Variants in CHRDL1 observed in about 807,000 individuals in gnomAD.
The protein encoded by CHRDL1 is chordin-like protein 1.
In CHRDL1, 19 loss-of-function variants were observed where a neutral mutation model predicts 40.9. That is an observed-to-expected ratio of 0.46 (90% CI 0.32 to 0.68). CHRDL1 has a LOEUF of 0.68. Ranked by LOEUF, CHRDL1 falls within the 30% of genes least tolerant of loss-of-function variation. CHRDL1 has a pLI of 0.03. For synonymous variants in CHRDL1, 136 were observed against 123.4 expected (o/e 1.10, Z -0.68); for missense variants, 329 against 352.1 (o/e 0.93, Z 0.53).
chrX:110,757,391 C>G (rs942427222), intron 4 of CHRDL1, among the ~76,000 whole-genome samples: 13 of 109,011 alleles, frequency 1.2e-4, no homozygotes, highest in African/African-American at 4.3e-4. Flanking sequence ...AAAAAAAAAA[C>G]GAAGAACCCG....
chrX:110,716,258 AG>A (rs765815101), intron 6 of CHRDL1, among the ~76,000 whole-genome samples: 3 of 110,982 alleles, frequency 2.7e-5, no homozygotes, highest in African/African-American at 9.8e-5. Flanking sequence ...TCAGTAATTC[AG>A]GGGGAAAAAT....
chrX:110,718,791 C>T (rs1603187648), intron 6 of CHRDL1, among the ~76,000 whole-genome samples: 2 of 111,984 alleles, frequency 1.8e-5, no homozygotes, highest in Middle Eastern at 9.2e-3. Context: ...ATCTGTATTT[C>T]CACGTTTGCT....
At chrX:110,791,567 T>C (rs1346605967) in intron 2 of CHRDL1, among the ~76,000 whole-genome samples, 3 of 112,323 alleles carry the variant, frequency 2.7e-5, no homozygotes, top group Non-Finnish European at 5.6e-5. Context: ...TTGCTAACGG[T>C]CCCTGGAATC....
At chrX:110,795,296 G>A (rs1323602762) in intron 1 of CHRDL1, among the ~76,000 whole-genome samples, 1 of 111,562 alleles carries the variant, frequency 9.0e-6, no homozygotes, top group Non-Finnish European at 1.9e-5. Flanking sequence ...AAAAAATGAG[G>A]CAGATGGCCA....
chrX:110,773,580 T>C (rs775278291), intron 2 of CHRDL1, among the ~76,000 whole-genome samples: 88 of 109,204 alleles, frequency 8.1e-4, no homozygotes, highest in African/African-American at 2.5e-3. Flanking sequence ...CACAAAAAAT[T>C]AGCTGGGCGT....
At chrX:110,750,652 C>T (rs778146391) in intron 4 of CHRDL1, among the ~76,000 whole-genome samples, 1 of 111,777 alleles carries the variant, frequency 8.9e-6, no homozygotes, top group South Asian at 3.8e-4. Context: ...CCGAGAAATG[C>T]CATTCATTTC....
At chrX:110,734,558 G>A (rs1192104124) in intron 4 of CHRDL1, among the ~76,000 whole-genome samples, 1 of 111,916 alleles carries the variant, frequency 8.9e-6, no homozygotes, top group African/African-American at 3.3e-5. Flanking sequence ...TTTGACAGGT[G>A]GAAATGAGGC....
intron 2 of CHRDL1, among the ~76,000 whole-genome samples, chrX:110,763,366 A>T (rs931288019): frequency 2.8e-5 from 3 of 108,869 alleles, no homozygotes; most frequent in Non-Finnish European, 5.7e-5. Flanking sequence ...TATCAGTGAG[A>T]TCATACGATG....
chrX:110,734,133 G>A (rs144934146), intron 4 of CHRDL1, among the ~76,000 whole-genome samples: 2,705 of 111,046 alleles, frequency 0.024, 80 homozygotes, highest in African/African-American at 0.084. Flanking sequence ...TGATTCAGAA[G>A]TGAGTTACAG....
intron 6 of CHRDL1, among the ~76,000 whole-genome samples, chrX:110,708,341 G>A (rs912359804): frequency 3.6e-5 from 4 of 110,255 alleles, no homozygotes; most frequent in African/African-American, 6.6e-5. Flanking sequence ...CACATGCACC[G>A]GTATGTTTAT....
At position 110,686,956 on chromosome X, in the gene CHRDL1, A is replaced by G. The variant is rs528670562; in HGVS notation, c.988+1638T>C. Among the ~76,000 whole-genome samples, 20 of 109,602 alleles carry G rather than the reference A, an allele frequency of 1.8e-4. No homozygotes were observed. The South Asian group carries it at 3.9e-3, about 21-fold the overall frequency. On this transcript the variant is annotated intron_variant, in intron 9 of 11. Coordinates refer to ENST00000372042, the MANE Select transcript of CHRDL1 (RefSeq NM_001143981.2). ...GTATTCGTAATAAATACATTTTCTC[A>G]TAAATTTCAATGCCCCAGTTCTCTA...
At chrX:110,720,534 T>C (rs1024603592) in intron 5 of CHRDL1, among the ~76,000 whole-genome samples, 1 of 112,106 alleles carries the variant, frequency 8.9e-6, no homozygotes, top group Non-Finnish European at 1.9e-5. Flanking sequence ...TTCTTAGTTC[T>C]TAGAAGCACA....
chrX:110,700,820 A>T (rs970679410), intron 6 of CHRDL1, 99 bp from the exon 7 acceptor site: 2 of 540,363 alleles, frequency 3.7e-6, no homozygotes, highest in Non-Finnish European at 6.1e-6. Context: ...ATGATCCCAA[A>T]GTTCTTGAAG....
intron 6 of CHRDL1, among the ~76,000 whole-genome samples, chrX:110,703,556 AGAG>A (rs2070559881): frequency 8.9e-6 from 1 of 112,105 alleles, no homozygotes; most frequent in Non-Finnish European, 1.9e-5. Context: ...TACAGCAGAA[AGAG>A]GAGAAAATCA....
chrX:110,687,329 C>T (rs1470904859), intron 9 of CHRDL1, among the ~76,000 whole-genome samples: 1 of 111,217 alleles, frequency 9.0e-6, no homozygotes, highest in African/African-American at 3.3e-5. Context: ...TGCCACAGCC[C>T]AGGCCACACC....
intron 8 of CHRDL1, among the ~76,000 whole-genome samples, chrX:110,691,254 G>A (rs2070271131): frequency 9.5e-6 from 1 of 104,899 alleles, no homozygotes; most frequent in African/African-American, 3.5e-5. Context: ...CATCTAGGAT[G>A]CAGGCTGAGG....
intron 6 of CHRDL1, among the ~76,000 whole-genome samples, chrX:110,702,500 C>T (rs2070534008): frequency 8.9e-6 from 1 of 111,745 alleles, no homozygotes; most frequent in South Asian, 3.8e-4. Context: ...AGTAGCCATT[C>T]AGAGTCTAAT....
chrX:110,681,082 T>C (rs1247820243), intron 10 of CHRDL1, among the ~76,000 whole-genome samples: 1 of 112,009 alleles, frequency 8.9e-6, no homozygotes, highest in Non-Finnish European at 1.9e-5. Context: ...TACAATCACC[T>C]GAGAAGCATT....
chrX:110,697,287 A>G (rs753489483), intron 7 of CHRDL1, among the ~76,000 whole-genome samples: 6 of 110,254 alleles, frequency 5.4e-5, no homozygotes, highest in African/African-American at 2.0e-4. Context: ...TCTAAAATAT[A>G]AGAGTTTTAT....
Sources: allele counts gnomAD v4.1 joint callset (sites outside exome capture counted in the v4.1 genomes callset), GRCh38; gene constraint gnomAD v4.1.1; transcripts MANE v1.5; gene names NCBI Gene and HGNC (gene_info 2026-07-23, HGNC 2026-07-21).